The following DDX4 variants were observed in gnomAD, a reference collection of about 807,000 sequenced individuals.
The protein encoded by DDX4 is DEAD-box helicase 4.
DDX4 carries 25 observed loss-of-function variants against 100.0 expected under a neutral mutation model. The ratio of observed to expected loss-of-function variants is 0.25; its 90% CI spans 0.18 to 0.35. DDX4 has a LOEUF of 0.35. Among genes scored for constraint, DDX4 ranks in the 10% least tolerant of loss-of-function variants. The probability of loss-of-function intolerance (pLI) is 1.00; values close to 1 mark genes in which losing one functional copy is unlikely to be tolerated. For missense variants in DDX4, 635 were observed against 882.4 expected (o/e 0.72, Z 3.55); for synonymous variants, 259 against 275.7 (o/e 0.94, Z 0.60).
intron 6 of DDX4, among the ~76,000 whole-genome samples, chr5:55,766,720 G>C (rs182632683): frequency 6.6e-6 from 1 of 152,098 alleles, no homozygotes; most frequent in South Asian, 2.1e-4. Context: ...CTAATAACCT[G>C]CAAGCTGTTT....
chr5:55,809,019 G>A (rs1561518119), intron 18 of DDX4, among the ~76,000 whole-genome samples: 1 of 152,212 alleles, frequency 6.6e-6, no homozygotes, highest in Non-Finnish European at 1.5e-5. Flanking sequence ...GCAATGGCAG[G>A]TGCCCCTCCC....
At chr5:55,789,685 G>A (rs1308774349) in intron 15 of DDX4, among the ~76,000 whole-genome samples, 1 of 152,134 alleles carries the variant, frequency 6.6e-6, no homozygotes, top group African/African-American at 2.4e-5. Flanking sequence ...GTCCTTTGTT[G>A]TAAAATTATT....
intron 6 of DDX4, among the ~76,000 whole-genome samples, chr5:55,764,877 C>G (rs1190146732): frequency 6.6e-6 from 1 of 152,190 alleles, no homozygotes; most frequent in Non-Finnish European, 1.5e-5. Context: ...CAGACACATT[C>G]ATGACAAACA....
intron 2 of DDX4, among the ~76,000 whole-genome samples, chr5:55,740,672 A>ATT (rs11294945): frequency 1.0e-3 from 118 of 113,618 alleles, no homozygotes; most frequent in African/African-American, 3.9e-3. Flanking sequence ...CGCCCCGCTA[A>ATT]TTTTTTTTTT....
At chr5:55,807,390 G>A (rs556231280) in intron 18 of DDX4, among the ~76,000 whole-genome samples, 21 of 152,250 alleles carry the variant, frequency 1.4e-4, no homozygotes, top group South Asian at 8.3e-4. Context: ...TATTTTGCTC[G>A]TTAGTTGATG....
At chr5:55,789,752 C>G (rs1742443378) in intron 15 of DDX4, among the ~76,000 whole-genome samples, 1 of 152,176 alleles carries the variant, frequency 6.6e-6, no homozygotes, top group African/African-American at 2.4e-5. Flanking sequence ...TTCTTCTGAA[C>G]TTGGGACTCT....
intron 6 of DDX4, among the ~76,000 whole-genome samples, chr5:55,765,409 A>ATATATATATATATAT (rs1416478232): frequency 1.2e-4 from 13 of 104,778 alleles, no homozygotes; most frequent in South Asian, 8.5e-4. Flanking sequence ...AAAAAAAAAA[A>ATATATATATATATAT]AAAAATATAT....
Position 55,816,443 on chromosome 5 carries a change from T to TTG in DDX4, c.2098-19_2098-18insGT. The TTG allele has an allele frequency of 1.9e-6, 3 of 1,557,646 alleles. No individual in the cohort carries two copies. The highest frequency in any genetic ancestry group is 1.7e-6 in the Non-Finnish European group (2 of 1,152,150). ...AAATGTTTGTTTGTTTCTTTTTTTT[T>TTG]TTTTTTAAATAATTACCAGGGCAAG... On this transcript the variant is annotated intron_variant, in intron 21 of 21. Transcript: ENST00000505374.
At chr5:55,768,371 G>A (rs1271735080) in intron 7 of DDX4, among the ~76,000 whole-genome samples, 1 of 152,150 alleles carries the variant, frequency 6.6e-6, no homozygotes, top group Non-Finnish European at 1.5e-5. Flanking sequence ...TTATAAGTGA[G>A]AACATTCAGT....
chr5:55,762,849 A>G (rs898496362), intron 4 of DDX4, among the ~76,000 whole-genome samples: 1 of 152,214 alleles, frequency 6.6e-6, no homozygotes, highest in Non-Finnish European at 1.5e-5. Flanking sequence ...CACACAGGGC[A>G]GAGCGTAATA....
chr5:55,767,961 C>T (rs776289883), intron 7 of DDX4, 21 bp downstream of exon 7: 1 of 1,608,724 alleles, frequency 6.2e-7, no homozygotes, highest in Non-Finnish European at 8.5e-7. Context: ...CATTTTGGAA[C>T]AATTTGTACT....
At chr5:55,813,300 T>G (rs1744219043) in intron 18 of DDX4, among the ~76,000 whole-genome samples, 2 of 152,270 alleles carry the variant, frequency 1.3e-5, no homozygotes, top group South Asian at 4.2e-4. Context: ...TGGATTATCT[T>G]GAGAGGTAGA....
At chr5:55,751,883 A>T (rs1759573039) in intron 3 of DDX4, among the ~76,000 whole-genome samples, 2 of 152,162 alleles carry the variant, frequency 1.3e-5, no homozygotes, top group South Asian at 4.1e-4. Flanking sequence ...AGCCTCCTAC[A>T]TTATCTTCCT....
intron 2 of DDX4, among the ~76,000 whole-genome samples, chr5:55,744,265 TAAATG>T (rs2111582189): frequency 6.6e-6 from 1 of 152,320 alleles, no homozygotes; most frequent in East Asian, 1.9e-4. Context: ...GGGACTTAGT[TAAATG>T]AACTTATTTG....
At chr5:55,815,833 A>C (rs1370297468) in intron 21 of DDX4, among the ~76,000 whole-genome samples, 2 of 146,926 alleles carry the variant, frequency 1.4e-5, no homozygotes, top group Non-Finnish European at 3.0e-5. Flanking sequence ...GTGCAGTGGC[A>C]TGATCTTGGC....
chr5:55,765,413 A>AAAAAATATATATATATATATAT (rs1392558099), intron 6 of DDX4, among the ~76,000 whole-genome samples: 7 of 82,996 alleles, frequency 8.4e-5, no homozygotes, highest in African/African-American at 4.1e-4. Flanking sequence ...AAAAAAAAAA[A>AAAAAATATATATATATATATAT]ATATATATAT....
At chr5:55,759,527 A>G (rs1489232054) in intron 3 of DDX4, among the ~76,000 whole-genome samples, 4 of 152,146 alleles carry the variant, frequency 2.6e-5, no homozygotes, top group Non-Finnish European at 4.4e-5. Context: ...GCCCTTCTAC[A>G]TGGCCAGTTT....
chr5:55,776,102 C>G lies in DDX4; in HGVS notation c.395-3862C>G, dbSNP rs149757034. Among the ~76,000 whole-genome samples the G allele has an allele frequency of 3.0e-3, 453 of 152,038 alleles. 6 individuals carry two copies. The highest frequency in any genetic ancestry group is 0.011 in the African/African-American group (439 of 41,476). ...GCCACTGCACTCCAGCCTGGGTGAC[C>G]GAACGAGACTCTGTCTCAAAAAACA... On this transcript the variant is annotated intron_variant, in intron 7 of 21. Transcript: ENST00000505374.
chr5:55,802,327 CAG>C (rs1298187632), intron 18 of DDX4, among the ~76,000 whole-genome samples: 2 of 152,092 alleles, frequency 1.3e-5, no homozygotes, highest in African/African-American at 4.8e-5. Context: ...TTTACAAAAG[CAG>C]AGTCTACTAA....
Sources: gnomAD v4.1 joint callset for allele counts (sites outside exome capture counted in the v4.1 genomes callset) on GRCh38, gnomAD v4.1.1 for gene constraint, MANE v1.5 for transcripts, NCBI Gene and HGNC (gene_info 2026-07-23, HGNC 2026-07-21) for gene names.